CTSE: variants seen among roughly 807,000 people sequenced by gnomAD.
CTSE encodes erythrocyte membrane aspartic proteinase.
Under a neutral mutation model 42.8 loss-of-function variants are expected in CTSE, and 43 were observed. The ratio of observed to expected loss-of-function variants is 1.01; its 90% CI spans 0.79 to 1.30. The LOEUF is 1.30. CTSE is among the 50% of genes most tolerant of loss of function. The pLI is 0.00. For missense variants in CTSE, 532 were observed against 493.5 expected (o/e 1.08, Z -0.74); for synonymous variants, 205 against 191.5 (o/e 1.07, Z -0.58).
intron 8 of CTSE, 140 bp downstream of exon 8, chr1:206,012,168 G>T: frequency 1.5e-6 from 1 of 676,044 alleles, no homozygotes; most frequent in Non-Finnish European, 2.5e-6. Flanking sequence ...GTCCCTCCCA[G>T]AGGGAATGCC....
chr1:206,009,987 TG>T lies in CTSE; in HGVS notation c.*195del, dbSNP rs1400859846. 8.7e-6 allele frequency: 5 copies of T among 573,902 alleles called. No homozygotes were observed. Among genetic ancestry groups the T allele is most frequent in the Non-Finnish European group, 1.6e-5 (5 of 321,856 alleles). 35.6% of individuals were successfully genotyped at this position (573,902 alleles called of 1,614,324 possible). A position where few individuals can be genotyped will look rare whatever the true frequency, so the allele number is the denominator to read the frequency against. Reference sequence around the variant, plus strand: ...CATCATGACGGTGGTGGGAGTGGTGTGTATGTGTGAAGTGTGTGTGTGTGTA... The same window carrying T: ...CATCATGACGGTGGTGGGAGTGGTGTTATGTGTGAAGTGTGTGTGTGTGTA... On this transcript the variant is annotated 3_prime_UTR_variant, in exon 9 of 9. Coordinates refer to ENST00000358184, the MANE Select transcript of CTSE (RefSeq NM_001910.4).
chr1:206,014,613 G>A (rs550511898), intron 5 of CTSE, among the ~76,000 whole-genome samples: 1 of 152,140 alleles, frequency 6.6e-6, no homozygotes, highest in South Asian at 2.1e-4. Context: ...GCCGTGTAGT[G>A]GGGATTTTAT....
chr1:206,020,891 C>T (rs1298415636), intron 4 of CTSE, among the ~76,000 whole-genome samples, 158 bp downstream of exon 4: 1 of 152,018 alleles, frequency 6.6e-6, no homozygotes, highest in African/African-American at 2.4e-5. Context: ...GACCCACTGC[C>T]ACCATCTCAG....
At position 206,009,660 on chromosome 1, in the gene CTSE, C is replaced by A; in HGVS notation, c.*523G>T. On this transcript the variant is annotated 3_prime_UTR_variant, in exon 9 of 9. Transcript: ENST00000358184. ...GGGACAATGGGAGATGCTTGAATTCCGATTGTATATTTAAGGATGTTAGAA... is the reference window on the plus strand; with the variant it reads ...GGGACAATGGGAGATGCTTGAATTCAGATTGTATATTTAAGGATGTTAGAA... 6.5e-6 allele frequency: 1 copy of A among 154,804 alleles called. No homozygotes were observed. Among genetic ancestry groups the A allele is most frequent in the Non-Finnish European group, 1.4e-5 (1 of 69,778 alleles). 9.6% of individuals were successfully genotyped at this position (154,804 alleles called of 1,614,324 possible).
At chr1:206,016,213 G>C in intron 4 of CTSE, 83 bp from the exon 5 acceptor site, 1 of 1,303,870 alleles carries the variant, frequency 7.7e-7, no homozygotes, top group Non-Finnish European at 1.1e-6. Context: ...ATTTTCCTCT[G>C]TCTTGAAGCT....
Position 206,021,066 on chromosome 1 carries a change from CA to C in CTSE, c.444del (p.Ile148MetfsTer11). The part of the protein sequence containing the change: ...QYGTGSLSGI[I>X]GADQVSVEGL... ...GCACTCACAGAGACTTGGTCGGCTC[CA>C]ATGATCCCGGACAAGCTCCCGGTTC... On this transcript the variant is annotated frameshift_variant, in exon 4 of 9. Transcript: ENST00000358184. LOFTEE classifies it high-confidence loss of function. The C allele has an allele frequency of 6.2e-7, 1 of 1,611,642 alleles. No homozygotes were observed. Among genetic ancestry groups the C allele is most frequent in the South Asian group, 1.1e-5 (1 of 91,032 alleles).
intron 4 of CTSE, among the ~76,000 whole-genome samples, chr1:206,016,922 C>T (rs1204391217): frequency 1.3e-5 from 2 of 151,962 alleles, no homozygotes; most frequent in Non-Finnish European, 2.9e-5. Flanking sequence ...AATCAGTTTG[C>T]TAATGTCTAA....
At chr1:206,015,848 T>A (rs1277940484) in intron 5 of CTSE, 83 bp downstream of exon 5, 2 of 1,267,214 alleles carry the variant, frequency 1.6e-6, no homozygotes, top group African/African-American at 2.9e-5. Context: ...CTAAACCAGG[T>A]CTTTTGACTG....
rs201775484 is a variant in CTSE at position 206,022,220 on chromosome 1, G to A, written c.273C>T (p.Phe91=). ...TISIGSPPQN[F]TVIFDTGSSN... ...AGGAGCCAGTGTCGAAGATGACAGT[G>A]AAGTTCTGTGGTGGGGAGCCAATGG... Residue 91 remains phenylalanine (F), a synonymous_variant, in exon 3 of 9, where the codon TTC becomes TTT. Coordinates refer to ENST00000358184, the MANE Select transcript of CTSE (RefSeq NM_001910.4). 21 of 1,613,304 alleles carry A rather than the reference G, an allele frequency of 1.3e-5. No homozygotes were observed. In the African/African-American group the frequency reaches 1.7e-4, roughly 13 times the overall value.
At chr1:206,011,491 A>G (rs1473462591) in intron 8 of CTSE, among the ~76,000 whole-genome samples, 1 of 152,038 alleles carries the variant, frequency 6.6e-6, no homozygotes, top group Non-Finnish European at 1.5e-5. Context: ...TGGCAGCTCC[A>G]TAATCCCTAT....
In CTSE at chr1:206,013,848, C is replaced by A; in HGVS notation, c.709G>T (p.Asp237Tyr). Residue 237 changes from aspartate to tyrosine, a missense_variant, in exon 6 of 9, where the codon GAC (aspartate) becomes TAC (tyrosine). Transcript: ENST00000358184. ...AGSELIFGGY[D>Y]HSHFSGSLNW... The stretch of plus-strand genomic sequence containing the variant: ...AGGCTCCCAGAGAAATGGGAGTGGT[C>A]GTAGCCTCCAAAAATCAGCTCGCTC... 1 of 1,613,746 alleles carries A rather than the reference C, an allele frequency of 6.2e-7. No homozygotes were observed. The highest frequency in any genetic ancestry group is 1.1e-5 in the South Asian group (1 of 91,052).
chr1:206,022,860 C>T (rs781919447), intron 2 of CTSE, 41 bp downstream of exon 2: 15 of 1,517,114 alleles, frequency 9.9e-6, no homozygotes, highest in Middle Eastern at 1.8e-4. Flanking sequence ...GCCTTCCTCC[C>T]GCTCCCACCT....
At chr1:206,023,608 A>G in intron 1 of CTSE, 116 bp downstream of exon 1, 2 of 940,302 alleles carry the variant, frequency 2.1e-6, no homozygotes, top group Non-Finnish European at 3.4e-6. Context: ...GCATTGACGC[A>G]AGCCCTCAGC....
At chr1:206,011,783 T>C (rs1014761226) in intron 8 of CTSE, among the ~76,000 whole-genome samples, 3 of 152,026 alleles carry the variant, frequency 2.0e-5, no homozygotes, top group Non-Finnish European at 4.4e-5. Flanking sequence ...GTCCAAAAGG[T>C]CTGGGAGTTC....
At chr1:206,023,549 C>T (rs1485235022) in intron 1 of CTSE, among the ~76,000 whole-genome samples, 175 bp downstream of exon 1, 4 of 151,836 alleles carry the variant, frequency 2.6e-5, no homozygotes, top group Admixed American at 2.6e-4. Flanking sequence ...TTGTTGAGGA[C>T]TGGAGATTAA....
At position 206,012,394 on chromosome 1, in the gene CTSE, A is replaced by T; in HGVS notation, c.940T>A (p.Cys314Ser). The change falls in exon 8 of 9, where the codon TGT becomes AGT. Residue 314 changes from cysteine to serine, a missense_variant. Transcript: ENST00000358184. ...APVDGEYAVE[C>S]ANLNVMPDVT... ...TCCGGCATGACGTTAAGGTTGGCACACTCCACAGCATACTAAAACCCAATA... is the reference window on the plus strand; with the variant it reads ...TCCGGCATGACGTTAAGGTTGGCACTCTCCACAGCATACTAAAACCCAATA... 1 of 1,613,906 alleles carries T rather than the reference A, an allele frequency of 6.2e-7. No homozygotes were observed. Among genetic ancestry groups the T allele is most frequent in the South Asian group, 1.1e-5 (1 of 91,078 alleles).
Position 206,023,783 on chromosome 1 carries a change from C to G in CTSE, c.9G>C (p.Thr3=), listed in dbSNP as rs782109377. ...GGAGCACCAGCAGCAAAAGAAGGAG[C>G]GTTTTCATTGTGAGTCCGACCAGCA... MK[T]LLLLLLVLLE... is the part of the protein sequence containing the mutation. Residue 3 remains threonine, a synonymous_variant, in exon 1 of 9, where the codon ACG becomes ACC. Coordinates refer to ENST00000358184, the MANE Select transcript of CTSE (RefSeq NM_001910.4). The G allele has an allele frequency of 6.2e-7, 1 of 1,613,604 alleles. No homozygotes were observed. Among genetic ancestry groups the G allele is most frequent in the South Asian group, 1.1e-5 (1 of 91,060 alleles).
chr1:206,012,577 G>A lies in CTSE; in HGVS notation c.858C>T (p.Leu286=), dbSNP rs782538812. 6.8e-6 allele frequency: 11 copies of A among 1,613,982 alleles called. No homozygotes were observed. Among genetic ancestry groups the A allele is most frequent in the Non-Finnish European group, 9.3e-6 (11 of 1,179,914 alleles). ...TAATCTTGTCGGAAGGGCCAGTGAT[G>A]AGGGAAGTCCCTGTGTCCACAATGG... is the stretch of plus-strand genomic sequence containing the variant. ...CQAIVDTGTS[L]ITGPSDKIKQ... The change falls in exon 7 of 9, where the codon CTC becomes CTT. Residue 286 remains leucine (L), a synonymous_variant. Coordinates refer to ENST00000358184, the MANE Select transcript of CTSE (RefSeq NM_001910.4).
rs781983863 is a variant in CTSE, at chr1:206,013,891, G to C, written c.666C>G (p.Asn222Lys). Residue 222 changes from asparagine to lysine, a missense_variant, in exon 6 of 9, where the codon AAC becomes AAG. Asn to Lys is a moderately conservative substitution (Grantham distance 94, BLOSUM62 0). Transcript: ENST00000358184. ...LPMFSVYMSSNPEGGAGSELI... is the reference protein window; with the variant it reads ...LPMFSVYMSSKPEGGAGSELI... ...GCTCGCTCCCCGCACCACCTTCTGG[G>C]TTACTACATGGAGAGAAAGACAAAC... is the stretch of plus-strand genomic sequence containing the variant. The C allele has an allele frequency of 1.2e-6, 2 of 1,613,602 alleles. No homozygotes were observed. The highest frequency in any genetic ancestry group is 1.7e-6 in the Non-Finnish European group (2 of 1,179,784).
Sources: allele counts gnomAD v4.1 joint callset (sites outside exome capture counted in the v4.1 genomes callset), GRCh38; gene constraint gnomAD v4.1.1; transcripts MANE v1.5; gene names NCBI Gene and HGNC (gene_info 2026-07-23, HGNC 2026-07-21).